The following NRG1 variants were observed in gnomAD, a reference collection of about 807,000 sequenced individuals.
NRG1 encodes neuregulin 1, also known as pro-neuregulin-1, membrane-bound isoform.
In NRG1, 18 loss-of-function variants were observed where a neutral mutation model predicts 63.8. The observed-to-expected ratio is 0.28, with a 90% confidence interval of 0.19 to 0.42. NRG1 has a LOEUF of 0.42. Ranked by LOEUF, NRG1 falls within the 10% of genes least tolerant of loss-of-function variation. The probability of loss-of-function intolerance (pLI) is 1.00; values close to 1 mark genes in which losing one functional copy is unlikely to be tolerated. For synonymous variants in NRG1, 302 were observed against 301.3 expected (o/e 1.00, Z -0.02); for missense variants, 762 against 814.7 (o/e 0.94, Z 0.79).
rs201569590 is a variant in NRG1 at position 32,514,161 on chromosome 8, ATTG to A, written c.38-81662_38-81660del. Among the ~76,000 whole-genome samples, 888 of 152,312 alleles carry A rather than the reference ATTG, an allele frequency of 5.8e-3. 5 individuals carry two copies. The highest frequency in any genetic ancestry group is 0.02 in the African/African-American group (836 of 41,578). ...TTTTGTTTGCCAAGAACAAAGAAAAATTGTTGTAAACTTAGCTGCTGCTGTAAC... is the reference window on the plus strand; with the variant it reads ...TTTTGTTTGCCAAGAACAAAGAAAAATTGTAAACTTAGCTGCTGCTGTAAC... On this transcript the variant is annotated intron_variant, in intron 1 of 10. Coordinates refer to the NRG1 transcript ENST00000519301.
intron 1 of NRG1, among the ~76,000 whole-genome samples, chr8:31,670,757 G>A (rs1268778383): frequency 6.6e-6 from 1 of 151,948 alleles, no homozygotes; most frequent in Non-Finnish European, 1.5e-5. Context: ...AAGAGAACCA[G>A]GGCCTTATAT....
intron 1 of NRG1, among the ~76,000 whole-genome samples, chr8:32,220,318 G>T (rs1188583758): frequency 3.3e-5 from 5 of 152,046 alleles, no homozygotes; most frequent in Admixed American, 3.3e-4. Context: ...GAAACCCCAG[G>T]TTATAAAGCA....
intron 1 of NRG1, among the ~76,000 whole-genome samples, chr8:32,557,239 C>A (rs1835366327): frequency 6.6e-6 from 1 of 152,186 alleles, no homozygotes; most frequent in East Asian, 1.9e-4. Flanking sequence ...GATCTCCTGA[C>A]CTTGTGATTA....
intron 1 of NRG1, among the ~76,000 whole-genome samples, chr8:32,446,066 A>G (rs1394333577): frequency 6.6e-6 from 1 of 152,192 alleles, no homozygotes; most frequent in Non-Finnish European, 1.5e-5. Context: ...TCTGGACTAA[A>G]CCTCAGTTTA....
chr8:32,341,973 T>A (rs1243722798), intron 1 of NRG1, among the ~76,000 whole-genome samples: 1 of 152,216 alleles, frequency 6.6e-6, no homozygotes, highest in Non-Finnish European at 1.5e-5. Flanking sequence ...TTATTTAATA[T>A]CAAAAAGGCT....
At chr8:32,133,780 T>G (rs755820193) in intron 1 of NRG1, among the ~76,000 whole-genome samples, 26 of 152,118 alleles carry the variant, frequency 1.7e-4, no homozygotes, top group Non-Finnish European at 2.6e-4. Flanking sequence ...AGCAGGCTAT[T>G]AAAAGTTTTT....
intron 1 of NRG1, among the ~76,000 whole-genome samples, chr8:32,282,811 T>C (rs1393954629): frequency 1.3e-5 from 2 of 152,224 alleles, no homozygotes; most frequent in Non-Finnish European, 2.9e-5. Flanking sequence ...AGAACTTTAA[T>C]TCCTATATAA....
intron 1 of NRG1, among the ~76,000 whole-genome samples, chr8:32,561,387 A>C (rs1461948354): frequency 6.6e-6 from 1 of 152,214 alleles, no homozygotes; most frequent in East Asian, 1.9e-4. Flanking sequence ...GTACCCAAGT[A>C]GCTTCAATAA....
intron 1 of NRG1, among the ~76,000 whole-genome samples, chr8:32,580,232 T>C (rs1276480499): frequency 1.3e-5 from 2 of 152,188 alleles, no homozygotes; most frequent in East Asian, 1.9e-4. Flanking sequence ...GTCTCAATCA[T>C]ATCTGTGAAG....
chr8:32,042,299 A>C (rs1412292955), intron 1 of NRG1, among the ~76,000 whole-genome samples: 13 of 152,012 alleles, frequency 8.6e-5, no homozygotes. Context: ...AAAATAAAAA[A>C]ATAAAAAGCT....
chr8:32,697,260 G>A (rs541627288), intron 5 of NRG1, among the ~76,000 whole-genome samples: 2 of 152,308 alleles, frequency 1.3e-5, no homozygotes, highest in African/African-American at 4.8e-5. Context: ...ACCTCTATGA[G>A]CTTTGTCATG....
intron 1 of NRG1, among the ~76,000 whole-genome samples, chr8:31,809,891 A>T (rs1421304483): frequency 1.8e-4 from 27 of 150,876 alleles, no homozygotes; most frequent in African/African-American, 6.1e-4. Context: ...TCTGCCTTTA[A>T]CCGCAGTCTC....
intron 1 of NRG1, among the ~76,000 whole-genome samples, chr8:32,410,173 T>G (rs1295371460): frequency 5.9e-5 from 8 of 135,990 alleles, no homozygotes; most frequent in Non-Finnish European, 1.1e-4. Flanking sequence ...ATCTTTTTCT[T>G]TCCTTTTTTT....
At chr8:32,594,659 AT>A (rs973635204) in intron 1 of NRG1, among the ~76,000 whole-genome samples, 3 of 152,142 alleles carry the variant, frequency 2.0e-5, no homozygotes, top group African/African-American at 7.2e-5. Context: ...ATCTGCAAGT[AT>A]TTCGGTACAT....
chr8:31,850,016 T>C (rs1827061471), intron 1 of NRG1, among the ~76,000 whole-genome samples: 1 of 152,214 alleles, frequency 6.6e-6, no homozygotes, highest in African/African-American at 2.4e-5. Context: ...TTTCCCCATA[T>C]GACTTTGTTT....
chr8:31,866,076 C>G (rs1336890452), intron 1 of NRG1, among the ~76,000 whole-genome samples: 1 of 152,154 alleles, frequency 6.6e-6, no homozygotes, highest in African/African-American at 2.4e-5. Context: ...TGCCTTTTGT[C>G]TACTTTTCTC....
chr8:31,806,259 A>G (rs922739206), intron 1 of NRG1, among the ~76,000 whole-genome samples: 1 of 152,166 alleles, frequency 6.6e-6, no homozygotes, highest in Non-Finnish European at 1.5e-5. Flanking sequence ...TTAATTATAT[A>G]TATAATTTCT....
chr8:32,649,529 A>G (rs1023672186), intron 5 of NRG1, among the ~76,000 whole-genome samples: 3 of 152,198 alleles, frequency 2.0e-5, no homozygotes, highest in South Asian at 2.1e-4. Flanking sequence ...AGAGTTGACA[A>G]TTTCTCTGAC....
intron 1 of NRG1, among the ~76,000 whole-genome samples, chr8:31,725,777 A>C (rs1813371220): frequency 6.6e-6 from 1 of 152,164 alleles, no homozygotes; most frequent in Non-Finnish European, 1.5e-5. Flanking sequence ...TGTTTGCCTT[A>C]GGACTTTGTG....
Sources: gnomAD v4.1 joint callset for allele counts (sites outside exome capture counted in the v4.1 genomes callset) on GRCh38, gnomAD v4.1.1 for gene constraint, MANE v1.5 for transcripts, NCBI Gene and HGNC (gene_info 2026-07-23, HGNC 2026-07-21) for gene names.